BACH2: variants seen among roughly 807,000 people sequenced by gnomAD.
BACH2 encodes the protein transcription regulator protein BACH2.
BACH2 carries 5 observed loss-of-function variants against 61.8 expected under a neutral mutation model. That is an observed-to-expected ratio of 0.08 (90% CI 0.04 to 0.17). BACH2 has a LOEUF of 0.17. BACH2 is among the 10% of genes least tolerant of loss of function. The probability of loss-of-function intolerance (pLI) is 1.00; values close to 1 mark genes in which losing one functional copy is unlikely to be tolerated. For missense variants in BACH2, 824 were observed against 1,091.1 expected (o/e 0.76, Z 3.45); for synonymous variants, 446 against 440.1 (o/e 1.01, Z -0.17).
chr6:89,951,638 G>A lies in BACH2; in HGVS notation c.468C>T (p.Cys156=), dbSNP rs112553287. ...CCTCCTCCTCTCCTGCAGAGTTCTC[G>A]CAGTCCTCGTGTGGGCGCTGGCACG... ...DAACQRPHED[C]ENSAGEEEDE... The change falls in exon 7 of 9, where the codon TGC becomes TGT. Residue 156 remains cysteine (C), a synonymous_variant. Coordinates refer to ENST00000257749, the MANE Select transcript of BACH2 (RefSeq NM_021813.4). The surrounding 1 kb of genome is among the most constrained non-coding windows in gnomAD (Gnocchi z 6.4). 1.8e-5 allele frequency: 29 copies of A among 1,614,052 alleles called. No homozygotes were observed. The African/African-American group carries it at 3.7e-4, about 21-fold the overall frequency.
chr6:90,007,050 C>A (rs151106988), intron 6 of BACH2, among the ~76,000 whole-genome samples: 1 of 151,930 alleles, frequency 6.6e-6, no homozygotes, highest in East Asian at 1.9e-4. Context: ...TAGACAAACA[C>A]AAATAGTGTT....
intron 1 of BACH2, among the ~76,000 whole-genome samples, chr6:90,292,770 C>T (rs1175340384): frequency 1.3e-5 from 2 of 152,206 alleles, no homozygotes; most frequent in Admixed American, 6.5e-5. Context: ...AGCCCCCAGG[C>T]CGACACTAGC....
At chr6:90,126,406 G>C (rs563507034) in intron 4 of BACH2, among the ~76,000 whole-genome samples, 3 of 152,112 alleles carry the variant, frequency 2.0e-5, no homozygotes, top group Non-Finnish European at 2.9e-5. Context: ...GATACGGCAC[G>C]GGCAGAAGAG....
At chr6:90,101,155 T>C (rs758500328) in intron 4 of BACH2, among the ~76,000 whole-genome samples, 5 of 152,242 alleles carry the variant, frequency 3.3e-5, no homozygotes, top group Non-Finnish European at 7.3e-5. Context: ...CTTTGTCAGA[T>C]ACATGATTTG....
At chr6:90,104,588 C>T (rs1782817833) in intron 4 of BACH2, among the ~76,000 whole-genome samples, 1 of 152,210 alleles carries the variant, frequency 6.6e-6, no homozygotes, top group Admixed American at 6.5e-5. Flanking sequence ...CCCATCTTGC[C>T]TTATGATCTC....
chr6:90,079,536 A>G (rs926721145), intron 5 of BACH2, among the ~76,000 whole-genome samples: 2 of 152,162 alleles, frequency 1.3e-5, no homozygotes, highest in South Asian at 4.1e-4. Context: ...GGAAGAGAAA[A>G]GTGCTGATAA....
chr6:89,976,804 A>G (rs1189824863), intron 6 of BACH2, among the ~76,000 whole-genome samples: 1 of 152,218 alleles, frequency 6.6e-6, no homozygotes, highest in Non-Finnish European at 1.5e-5. Flanking sequence ...AGATTTTAGG[A>G]GATAATTGTC....
At chr6:90,197,924 T>A (rs947265633) in intron 4 of BACH2, among the ~76,000 whole-genome samples, 1 of 152,164 alleles carries the variant, frequency 6.6e-6, no homozygotes, top group Non-Finnish European at 1.5e-5. Flanking sequence ...GCAACAAGAA[T>A]GAAGTGGGAC....
At chr6:90,000,191 T>A (rs1332144393) in intron 6 of BACH2, among the ~76,000 whole-genome samples, 1 of 152,190 alleles carries the variant, frequency 6.6e-6, no homozygotes, top group African/African-American at 2.4e-5. Flanking sequence ...GTCACAATAG[T>A]ATTAGCTCCC....
intron 2 of BACH2, among the ~76,000 whole-genome samples, chr6:90,262,364 A>G (rs1336194575): frequency 6.6e-6 from 1 of 152,100 alleles, no homozygotes; most frequent in African/African-American, 2.4e-5. Flanking sequence ...TTACAGACCA[A>G]TTCACCTATC....
intron 4 of BACH2, among the ~76,000 whole-genome samples, chr6:90,159,185 G>A (rs1785103202): frequency 6.6e-6 from 1 of 152,154 alleles, no homozygotes; most frequent in African/African-American, 2.4e-5. Context: ...TTTCCCTACT[G>A]GGAAATCAAC....
At chr6:90,144,397 GAGA>G (rs930327229) in intron 4 of BACH2, among the ~76,000 whole-genome samples, 2 of 152,128 alleles carry the variant, frequency 1.3e-5, no homozygotes, top group African/African-American at 4.8e-5. Flanking sequence ...GGAGGAAGGA[GAGA>G]AGGAGAAAAG....
intron 6 of BACH2, among the ~76,000 whole-genome samples, chr6:89,995,482 C>T (rs2127776448): frequency 6.6e-6 from 1 of 152,286 alleles, no homozygotes; most frequent in Non-Finnish European, 1.5e-5. Flanking sequence ...GCTGACACTC[C>T]AGGCTCAGAT....
intron 6 of BACH2, among the ~76,000 whole-genome samples, chr6:89,953,630 C>T (rs1774253071): frequency 6.6e-6 from 1 of 152,164 alleles, no homozygotes; most frequent in Admixed American, 6.5e-5. Flanking sequence ...GTCTTTGTAA[C>T]CTTGCATCTA....
At chr6:90,058,487 T>C (rs1454002496) in intron 5 of BACH2, among the ~76,000 whole-genome samples, 2 of 152,174 alleles carry the variant, frequency 1.3e-5, no homozygotes, top group South Asian at 2.1e-4. Flanking sequence ...TATAAACAAA[T>C]GGAAGAACAT....
intron 6 of BACH2, among the ~76,000 whole-genome samples, chr6:89,958,547 T>A (rs1381382510): frequency 1.3e-5 from 2 of 152,252 alleles, no homozygotes; most frequent in Non-Finnish European, 2.9e-5. Flanking sequence ...TTATTGCTGT[T>A]GCTACAAATA....
At chr6:90,042,990 G>A (rs1041897710) in intron 5 of BACH2, among the ~76,000 whole-genome samples, 1 of 152,142 alleles carries the variant, frequency 6.6e-6, no homozygotes, top group Non-Finnish European at 1.5e-5. Flanking sequence ...GGTACAGAGA[G>A]GTACAGTTGA....
chr6:90,033,712 G>GT (rs1334505164), intron 5 of BACH2, among the ~76,000 whole-genome samples: 4 of 151,852 alleles, frequency 2.6e-5, no homozygotes, highest in African/African-American at 4.8e-5. Flanking sequence ...AAAAAAAAAC[G>GT]TAAGTTTCTA....
At chr6:90,248,191 C>G (rs1171833608) in intron 3 of BACH2, among the ~76,000 whole-genome samples, 1 of 152,218 alleles carries the variant, frequency 6.6e-6, no homozygotes, top group Non-Finnish European at 1.5e-5. Flanking sequence ...TGTCAACAAT[C>G]TACAGATGTT....
Sources: gnomAD v4.1 joint callset for allele counts (sites outside exome capture counted in the v4.1 genomes callset) on GRCh38, gnomAD v4.1.1 for gene constraint, Gnocchi (gnomAD v3.1) non-coding constraint, MANE v1.5 for transcripts, NCBI Gene and HGNC (gene_info 2026-07-23, HGNC 2026-07-21) for gene names.